IFT74: variants seen among roughly 807,000 people sequenced by gnomAD.
IFT74 encodes the protein intraflagellar transport protein 74 homolog.
In IFT74, 92 loss-of-function variants were observed where a neutral mutation model predicts 96.7. The observed-to-expected ratio is 0.95, with a 90% CI of 0.80 to 1.13. The LOEUF (loss-of-function observed/expected upper bound fraction) is 1.13. Ranked by LOEUF, IFT74 falls within the 50% of genes most tolerant of loss-of-function variation. The pLI, the probability that IFT74 is intolerant of heterozygous loss-of-function variation, is 0.00. For synonymous variants in IFT74, 223 were observed against 213.2 expected (o/e 1.05, Z -0.40); for missense variants, 811 against 698.2 (o/e 1.16, Z -1.82).
intron 3 of IFT74, among the ~76,000 whole-genome samples, chr9:26,978,614 A>C (rs1827227502): frequency 6.6e-6 from 1 of 152,198 alleles, no homozygotes; most frequent in Non-Finnish European, 1.5e-5. Flanking sequence ...GAACTTTGAA[A>C]TAGTCTTGGA....
Position 26,962,074 on chromosome 9 carries a change from G to C in IFT74, c.107G>C (p.Arg36Pro), listed in dbSNP as rs754998857. The change falls in exon 2 of 20, where the codon CGA becomes CCA. Residue 36 changes from arginine to proline, a missense_variant. Transcript: ENST00000380062. ...SGIRPLSGNIRVATAMPPGTA... is the reference protein window; with the variant it reads ...SGIRPLSGNIPVATAMPPGTA... Reference sequence around the variant, plus strand: ...ATACGACCCCTATCAGGAAATATTCGAGTGGCAACTGCAGTAAGTTTGAAA... The same window carrying C: ...ATACGACCCCTATCAGGAAATATTCCAGTGGCAACTGCAGTAAGTTTGAAA... 8 of 1,613,998 alleles carry C rather than the reference G, an allele frequency of 5.0e-6. No homozygotes were observed. The highest frequency in any genetic ancestry group is 1.7e-5 in the Admixed American group (1 of 60,002).
At chr9:27,048,318 A>G (rs1316648576) in intron 16 of IFT74, 44 bp downstream of exon 16, 4 of 1,298,962 alleles carry the variant, frequency 3.1e-6, no homozygotes, top group East Asian at 2.6e-5. Context: ...TTTTTAAAAT[A>G]TATCAATGTT....
intron 1 of IFT74, among the ~76,000 whole-genome samples, chr9:26,949,403 A>G (rs1046723991): frequency 6.6e-6 from 1 of 152,206 alleles, no homozygotes; most frequent in Non-Finnish European, 1.5e-5. Flanking sequence ...ACTTAAGCTT[A>G]ACTAACAGAA....
upstream of IFT74, among the ~76,000 whole-genome samples, chr9:26,953,436 A>G (rs1825993671): frequency 6.6e-6 from 1 of 152,218 alleles, no homozygotes; most frequent in Non-Finnish European, 1.5e-5. Context: ...ATTTATATGT[A>G]TAAATTCAGT....
chr9:26,997,908 C>T, intron 8 of IFT74: 2 of 1,614,110 alleles, frequency 1.2e-6, no homozygotes, highest in Non-Finnish European at 1.7e-6. Flanking sequence ...ACAAATACAT[C>T]AGCATTCAGT....
intron 8 of IFT74, chr9:26,999,751 T>G (rs2131579763): frequency 2.4e-6 from 2 of 819,532 alleles, no homozygotes; most frequent in Non-Finnish European, 1.9e-6. Context: ...TATTTTTCCC[T>G]CTTTTGAATC....
At chr9:26,963,729 A>G (rs1249698050) in intron 2 of IFT74, among the ~76,000 whole-genome samples, 2 of 152,090 alleles carry the variant, frequency 1.3e-5, no homozygotes, top group Non-Finnish European at 2.9e-5. Flanking sequence ...GCATTGTTTC[A>G]TGTGTTTTTT....
chr9:27,040,040 G>T (rs554600376), intron 13 of IFT74, among the ~76,000 whole-genome samples: 2 of 152,232 alleles, frequency 1.3e-5, no homozygotes, highest in South Asian at 4.1e-4. Context: ...GTTAGAAGGG[G>T]TTTAGATAAC....
chr9:26,968,673 T>C (rs1339322589), intron 2 of IFT74, among the ~76,000 whole-genome samples: 1 of 152,226 alleles, frequency 6.6e-6, no homozygotes, highest in Non-Finnish European at 1.5e-5. Flanking sequence ...TTTGTTCATT[T>C]CTTCCAGATT....
intron 8 of IFT74, among the ~76,000 whole-genome samples, chr9:27,001,053 G>C (rs1338665823): frequency 6.6e-6 from 1 of 152,134 alleles, no homozygotes; most frequent in Admixed American, 6.5e-5. Context: ...GAGAATGTGT[G>C]ATATTTGTCT....
intron 2 of IFT74, among the ~76,000 whole-genome samples, chr9:26,969,664 T>C (rs1826798107): frequency 6.6e-6 from 1 of 152,126 alleles, no homozygotes; most frequent in Non-Finnish European, 1.5e-5. Context: ...TTTCTCTGTC[T>C]TTTTATCTTT....
intron 8 of IFT74, chr9:26,995,641 T>C: frequency 6.2e-7 from 1 of 1,613,838 alleles, no homozygotes; most frequent in South Asian, 1.1e-5. Context: ...AGTTTGTTTC[T>C]GGTATCTGTG....
intron 13 of IFT74, among the ~76,000 whole-genome samples, chr9:27,033,779 T>C (rs1830234100): frequency 6.6e-6 from 1 of 152,210 alleles, no homozygotes; most frequent in Non-Finnish European, 1.5e-5. Context: ...AATAAATTTC[T>C]AGAAGTGAAA....
At chr9:27,014,358 G>A (rs560602098) in intron 10 of IFT74, among the ~76,000 whole-genome samples, 1 of 152,270 alleles carries the variant, frequency 6.6e-6, no homozygotes, top group Admixed American at 6.5e-5. Flanking sequence ...CAACCAGCTT[G>A]CAGAATTCCT....
chr9:27,044,649 T>TAATGA, intron 13 of IFT74, 93 bp from the exon 14 acceptor site: 1 of 712,940 alleles, frequency 1.4e-6, no homozygotes. Flanking sequence ...AGTCAATGAC[T>TAATGA]AATGGCATAG....
intron 1 of IFT74, among the ~76,000 whole-genome samples, chr9:26,950,310 C>CA (rs768360968): frequency 0.13 from 15,605 of 123,752 alleles, 1,856 homozygotes; most frequent in East Asian, 0.64. Context: ...GACTCTGTCT[C>CA]AAAAAAAAAA....
At chr9:27,030,167 A>G (rs756711211) in intron 13 of IFT74, among the ~76,000 whole-genome samples, 16 of 152,210 alleles carry the variant, frequency 1.1e-4, no homozygotes, top group Non-Finnish European at 2.9e-5. Context: ...ACCAGTTACT[A>G]TGCTCTTGGA....
rs746474772 is a variant in IFT74 at position 27,055,779 on chromosome 9, G to T, written c.1497+7G>T. The T allele has an allele frequency of 6.7e-7, 1 of 1,490,338 alleles. No homozygotes were observed. The highest frequency in any genetic ancestry group is 8.9e-7 in the Non-Finnish European group (1 of 1,118,178). The allele number at this position is 1,490,338 out of a possible 1,614,324, so 92.3% of individuals were successfully genotyped here. ...AGGTGAAGAAAAGATAAAGGTAAAT[G>T]TTAACCAAGTCTTACAGAATTACAA... is the stretch of plus-strand genomic sequence containing the variant. On this transcript the variant is annotated splice_region_variant and intron_variant, in intron 17 of 19. Transcript: ENST00000380062.
chr9:26,961,089 T>G (rs1449617360), intron 1 of IFT74, among the ~76,000 whole-genome samples: 2 of 150,120 alleles, frequency 1.3e-5, no homozygotes, highest in Non-Finnish European at 3.0e-5. Flanking sequence ...TCTTGTTTTT[T>G]TTTTTTTTTT....
Sources: gnomAD v4.1 joint callset for allele counts (sites outside exome capture counted in the v4.1 genomes callset) on GRCh38, gnomAD v4.1.1 for gene constraint, MANE v1.5 for transcripts, NCBI Gene and HGNC (gene_info 2026-07-23, HGNC 2026-07-21) for gene names.